RIPOR3: variants seen among roughly 807,000 people sequenced by gnomAD.
The protein encoded by RIPOR3 is family with sequence similarity 65 member C.
A neutral mutation model predicts 114.3 loss-of-function variants in RIPOR3; 95 were observed. The ratio of observed to expected loss-of-function variants is 0.83; its 90% CI spans 0.70 to 0.99. RIPOR3 has a LOEUF of 0.99. Among genes scored for constraint, RIPOR3 ranks in the 50% least tolerant of loss-of-function variants. The pLI is 0.00. For synonymous variants in RIPOR3, 575 were observed against 543.8 expected, an observed-to-expected ratio of 1.06 and a Z score of -0.80; for missense variants, 1,252 against 1,266.9, an observed-to-expected ratio of 0.99 and a Z score of 0.18.
chr20:50,602,054 G>T lies in RIPOR3; in HGVS notation c.1659+18C>A, dbSNP rs781526412. The T allele has an allele frequency of 6.7e-7, 1 of 1,488,044 alleles. No homozygotes were observed. Among genetic ancestry groups the T allele is most frequent in the Non-Finnish European group, 8.9e-7 (1 of 1,121,036 alleles). 92.2% of individuals were successfully genotyped at this position (1,488,044 alleles called of 1,614,324 possible). On this transcript the variant is annotated intron_variant, in intron 13 of 21. Coordinates refer to ENST00000327979, the MANE Select transcript of RIPOR3 (RefSeq NM_001290268.2). This position sits in a 1 kb window ranked among gnomAD's most constrained non-coding sequence, Gnocchi z 4.3. ...CATCAGCAAAGCAGGGCCACCGCCC[G>T]GGGCGGGGTGGCCATACCTTCAGCC...
intron 1 of RIPOR3, among the ~76,000 whole-genome samples, chr20:50,678,327 C>T (rs2086741981): frequency 6.6e-6 from 1 of 152,208 alleles, no homozygotes; most frequent in Admixed American, 6.5e-5. Context: ...TGAAACTCAC[C>T]CTGTGGCTCC....
At chr20:50,642,118 G>C (rs536299223) in intron 1 of RIPOR3, among the ~76,000 whole-genome samples, 7 of 152,234 alleles carry the variant, frequency 4.6e-5, no homozygotes, top group South Asian at 2.1e-4. Context: ...TAGGGGTGGG[G>C]CTTTGTTTAC....
chr20:50,626,229 C>T (rs558304387), intron 2 of RIPOR3, among the ~76,000 whole-genome samples: 4 of 152,380 alleles, frequency 2.6e-5, no homozygotes, highest in African/African-American at 7.2e-5. Context: ...GCTTCCCCGT[C>T]GGTGTGGGCA....
At chr20:50,588,774 A>G (rs2083008357) in intron 20 of RIPOR3, among the ~76,000 whole-genome samples, 1 of 150,926 alleles carries the variant, frequency 6.6e-6, no homozygotes, top group African/African-American at 2.4e-5. Context: ...AAAAAGAAAA[A>G]AAACACCACA....
At chr20:50,666,733 G>A (rs935262451) in intron 1 of RIPOR3, among the ~76,000 whole-genome samples, 1 of 151,810 alleles carries the variant, frequency 6.6e-6, no homozygotes, top group African/African-American at 2.4e-5. Context: ...GCTAATTTTT[G>A]TATTTTTTGT....
rs957528785 is a variant in RIPOR3, at chr20:50,602,960, C to T, written c.1087-316G>A. The stretch of plus-strand genomic sequence containing the variant: ...CTGTGCTCTCGTCAGAACACTCTTC[C>T]CCATGTGCCTTCATGGCTTGTGCCC... On this transcript the variant is annotated intron_variant, in intron 12 of 21. Coordinates refer to ENST00000327979, the MANE Select transcript of RIPOR3 (RefSeq NM_001290268.2). This position sits in a 1 kb window ranked among gnomAD's most constrained non-coding sequence, Gnocchi z 4.3. Among the ~76,000 whole-genome samples the T allele has an allele frequency of 2.0e-5, 3 of 152,230 alleles. No homozygotes were observed. Among genetic ancestry groups the T allele is most frequent in the African/African-American group, 7.2e-5 (3 of 41,474 alleles).
intron 2 of RIPOR3, among the ~76,000 whole-genome samples, chr20:50,625,143 T>C (rs2084572263): frequency 6.6e-6 from 1 of 151,950 alleles, no homozygotes; most frequent in African/African-American, 2.4e-5. Context: ...TGATCTCAGC[T>C]CACTGTAGCC....
intron 18 of RIPOR3, 65 bp from the exon 19 acceptor site, chr20:50,592,611 T>G (rs41283598): frequency 0.015 from 20,422 of 1,349,838 alleles, 258 homozygotes; most frequent in African/African-American, 0.06. Flanking sequence ...CAGCTGCAAG[T>G]TTGCTTGGCT....
intron 1 of RIPOR3, among the ~76,000 whole-genome samples, chr20:50,649,749 C>T (rs2085535759): frequency 1.3e-5 from 2 of 152,214 alleles, no homozygotes; most frequent in South Asian, 4.1e-4. Flanking sequence ...GGTGAGTTTA[C>T]AGGGAAGCGC....
In RIPOR3 at chr20:50,602,135, G is replaced by A; in HGVS notation, c.1596C>T (p.Asp532=). Residue 532 remains aspartate, a synonymous_variant, in exon 13 of 22, where the codon GAC becomes GAT. Coordinates refer to ENST00000327979, the MANE Select transcript of RIPOR3 (RefSeq NM_001290268.2). The surrounding 1 kb of genome is among the most constrained non-coding windows in gnomAD (Gnocchi z 4.3). The part of the protein sequence containing the change: ...QEVLELLRPT[D]STQPQLRELE... ...GCTCCCGGAGCTGGGGCTGGGTGGA[G>A]TCCGTGGGCCTCAGCAACTCCAGGA... The A allele has an allele frequency of 6.2e-7, 1 of 1,610,532 alleles. No homozygotes were observed. Among genetic ancestry groups the A allele is most frequent in the Non-Finnish European group, 8.5e-7 (1 of 1,178,596 alleles).
At chr20:50,681,233 AAAAAAAAAAGAAAAGAAAAG>A (rs1385961908) in intron 1 of RIPOR3, among the ~76,000 whole-genome samples, 2 of 114,508 alleles carry the variant, frequency 1.7e-5, no homozygotes, top group East Asian at 5.4e-4. Context: ...TCAAAAAAAA[AAAAAAAAAAGAAAAGAAAAG>A]AAAAGAAACA....
intron 1 of RIPOR3, among the ~76,000 whole-genome samples, chr20:50,648,426 C>T (rs7264436): frequency 0.021 from 3,173 of 149,752 alleles, 117 homozygotes; most frequent in African/African-American, 0.073. Flanking sequence ...ATCAAGGTGT[C>T]GGCAGGGCCA....
At chr20:50,663,925 CT>C (rs11477745) in intron 1 of RIPOR3, among the ~76,000 whole-genome samples, 20,776 of 123,682 alleles carry the variant, frequency 0.17, 2,222 homozygotes, top group African/African-American at 0.37. Flanking sequence ...CTCTCTCTCT[CT>C]TTTTTTTTTT....
At chr20:50,637,649 T>A (rs1052837431) in intron 1 of RIPOR3, among the ~76,000 whole-genome samples, 1 of 152,094 alleles carries the variant, frequency 6.6e-6, no homozygotes, top group Non-Finnish European at 1.5e-5. Context: ...CTGAGTCTGG[T>A]GGATCACCTG....
At chr20:50,611,524 C>T (rs1246005634) in intron 4 of RIPOR3, among the ~76,000 whole-genome samples, 3 of 152,176 alleles carry the variant, frequency 2.0e-5, no homozygotes, top group Non-Finnish European at 2.9e-5. Context: ...AGGAGAAGCG[C>T]CTACCTCACA....
chr20:50,619,916 C>T, intron 3 of RIPOR3, 70 bp downstream of exon 3: 1 of 1,550,358 alleles, frequency 6.5e-7, no homozygotes, highest in Non-Finnish European at 8.8e-7. Flanking sequence ...CACGCTTCCC[C>T]AGGAAGAGAC....
At chr20:50,675,713 G>A (rs889802366) in intron 1 of RIPOR3, among the ~76,000 whole-genome samples, 10 of 152,236 alleles carry the variant, frequency 6.6e-5, no homozygotes, top group African/African-American at 2.4e-4. Context: ...CGCCCATGCT[G>A]TTGACCAGAC....
chr20:50,672,690 A>G (rs6020677), intron 1 of RIPOR3, among the ~76,000 whole-genome samples: 124,943 of 152,200 alleles, frequency 0.82, 52,036 homozygotes, highest in East Asian at 0.96. Flanking sequence ...TGTAACAGAT[A>G]CCAGCTCCAA....
At chr20:50,595,996 TG>T in intron 15 of RIPOR3, 143 bp downstream of exon 15, 1 of 1,208,468 alleles carries the variant, frequency 8.3e-7, no homozygotes, top group Non-Finnish European at 1.2e-6. Flanking sequence ...TCTCTTCCAC[TG>T]GGGAATAGCT....
Sources: allele counts gnomAD v4.1 joint callset (sites outside exome capture counted in the v4.1 genomes callset), GRCh38; gene constraint gnomAD v4.1.1; non-coding constraint Gnocchi (gnomAD v3.1); transcripts MANE v1.5; gene names NCBI Gene and HGNC (gene_info 2026-07-23, HGNC 2026-07-21).